CDK14: variants seen among roughly 807,000 people sequenced by gnomAD.
The protein encoded by CDK14 is cyclin-dependent kinase 14.
In CDK14, 34 loss-of-function variants were observed where a neutral mutation model predicts 60.7. The ratio of observed to expected loss-of-function variants is 0.56; its 90% CI spans 0.43 to 0.75. CDK14 has a LOEUF of 0.75. CDK14 is among the 30% of genes least tolerant of loss of function. The pLI, the probability that CDK14 is intolerant of heterozygous loss-of-function variation, is 0.00. For synonymous variants in CDK14, 197 were observed against 203.7 expected, an observed-to-expected ratio of 0.97 and a Z score of 0.28; for missense variants, 482 against 564.1, an observed-to-expected ratio of 0.85 and a Z score of 1.47.
chr7:90,977,446 A>C lies in CDK14; in HGVS notation c.948-6702A>C, dbSNP rs1795105925. On this transcript the variant is annotated intron_variant, in intron 9 of 14. Transcript: ENST00000380050. ...GGGGAAAGAGGAATTAGGGAGGAATAAGGAAGAGGAGTTTCAGTTCCATAA... is the reference window on the plus strand; with the variant it reads ...GGGGAAAGAGGAATTAGGGAGGAATCAGGAAGAGGAGTTTCAGTTCCATAA... Among the ~76,000 whole-genome samples, 4 of 142,012 alleles carry C rather than the reference A, an allele frequency of 2.8e-5. No homozygotes were observed. In the Admixed American group the frequency reaches 2.9e-4, roughly 10 times the overall value. 93.2% of individuals were successfully genotyped at this position (142,012 alleles called of 152,430 possible).
At position 90,783,095 on chromosome 7, in the gene CDK14, C is replaced by G. The variant is rs1805413884; in HGVS notation, c.465-7478C>G. Reference sequence around the variant, plus strand: ...AATGTACATAATTTTTTCCTATGAACTTTATATGCCACTCTAATATTATGT... The same window carrying G: ...AATGTACATAATTTTTTCCTATGAAGTTTATATGCCACTCTAATATTATGT... On this transcript the variant is annotated intron_variant, in intron 4 of 14. Coordinates refer to ENST00000380050, the MANE Select transcript of CDK14 (RefSeq NM_001287135.2). 2.0e-5 allele frequency among the ~76,000 whole-genome samples: 3 copies of G among 151,970 alleles called. No homozygotes were observed. The South Asian group carries it at 6.2e-4, about 32-fold the overall frequency.
At chr7:90,708,575 T>A (rs1159058552) in intron 2 of CDK14, among the ~76,000 whole-genome samples, 1 of 152,160 alleles carries the variant, frequency 6.6e-6, no homozygotes. Flanking sequence ...CTTCACAGTG[T>A]CATTCAAAAT....
intron 11 of CDK14, among the ~76,000 whole-genome samples, chr7:91,072,681 T>C (rs1271922124): frequency 6.6e-6 from 1 of 151,962 alleles, no homozygotes; most frequent in African/African-American, 2.4e-5. Flanking sequence ...ATGAGATGGA[T>C]GAAGTAGGCT....
chr7:91,059,478 T>C (rs1584274740), intron 11 of CDK14, among the ~76,000 whole-genome samples: 1 of 152,216 alleles, frequency 6.6e-6, no homozygotes, highest in East Asian at 1.9e-4. Context: ...GCTTCTCTAG[T>C]TCTTTTAATT....
chr7:90,657,335 T>A (rs772046751), intron 2 of CDK14, among the ~76,000 whole-genome samples: 11 of 152,232 alleles, frequency 7.2e-5, no homozygotes, highest in Non-Finnish European at 1.3e-4. Flanking sequence ...TCAGTGGACA[T>A]TCATCAACTT....
At chr7:91,057,943 A>G (rs1375090317) in intron 11 of CDK14, among the ~76,000 whole-genome samples, 3 of 152,108 alleles carry the variant, frequency 2.0e-5, no homozygotes, top group Non-Finnish European at 4.4e-5. Context: ...TTCTGTGAAG[A>G]AAGTCATTGG....
At chr7:90,937,639 G>T (rs898821861) in intron 8 of CDK14, among the ~76,000 whole-genome samples, 19 of 152,172 alleles carry the variant, frequency 1.2e-4, no homozygotes, top group African/African-American at 4.3e-4. Flanking sequence ...AACTTTTTCT[G>T]TAAAGAGCTA....
intron 5 of CDK14, among the ~76,000 whole-genome samples, chr7:90,799,903 T>C (rs1788574560): frequency 6.6e-6 from 1 of 152,106 alleles, no homozygotes; most frequent in Non-Finnish European, 1.5e-5. Flanking sequence ...AATTTATTTA[T>C]AAAAGTGATA....
intron 2 of CDK14, among the ~76,000 whole-genome samples, chr7:90,657,937 C>T (rs1007839920): frequency 3.3e-5 from 5 of 152,172 alleles, no homozygotes; most frequent in Non-Finnish European, 7.3e-5. Flanking sequence ...CATCTTTGCT[C>T]CTTCTGTTTT....
intron 8 of CDK14, among the ~76,000 whole-genome samples, chr7:90,921,288 C>T (rs894721514): frequency 3.6e-4 from 54 of 152,030 alleles, no homozygotes; most frequent in Admixed American, 3.2e-3. Flanking sequence ...TTGGGATGCT[C>T]GTCCTTCTGC....
chr7:91,023,903 G>T (rs1051918724), intron 10 of CDK14, among the ~76,000 whole-genome samples: 1 of 152,102 alleles, frequency 6.6e-6, no homozygotes, highest in Non-Finnish European at 1.5e-5. Flanking sequence ...CTCCCAAGTA[G>T]CTGGGATTAT....
intron 14 of CDK14, among the ~76,000 whole-genome samples, chr7:91,134,020 A>G (rs895726977): frequency 3.3e-5 from 5 of 152,228 alleles, no homozygotes; most frequent in African/African-American, 1.2e-4. Flanking sequence ...CCAAAAGCAA[A>G]AAGAGGAGCT....
intron 5 of CDK14, among the ~76,000 whole-genome samples, chr7:90,846,943 G>C (rs765497005): frequency 1.1e-4 from 16 of 152,180 alleles, no homozygotes; most frequent in Non-Finnish European, 2.1e-4. Flanking sequence ...GCTCTCCTGT[G>C]TGGAGTAGAG....
chr7:91,132,086 G>T (rs1800136209), intron 14 of CDK14, among the ~76,000 whole-genome samples: 3 of 152,028 alleles, frequency 2.0e-5, no homozygotes, highest in Non-Finnish European at 4.4e-5. Flanking sequence ...CCAGCTTCAA[G>T]ACACTCACAA....
chr7:90,965,957 C>G (rs955153757), intron 9 of CDK14, among the ~76,000 whole-genome samples: 5 of 152,166 alleles, frequency 3.3e-5, no homozygotes, highest in African/African-American at 1.2e-4. Flanking sequence ...TTCCCTCTAT[C>G]CCTGGTATTC....
At chr7:90,981,901 A>G in intron 9 of CDK14, among the ~76,000 whole-genome samples, 1 of 152,182 alleles carries the variant, frequency 6.6e-6, no homozygotes, top group East Asian at 1.9e-4. Context: ...CTTCATCTGC[A>G]GGAATGTGTA....
chr7:91,150,324 A>T (rs1206386344), intron 14 of CDK14, among the ~76,000 whole-genome samples: 1 of 152,232 alleles, frequency 6.6e-6, no homozygotes, highest in African/African-American at 2.4e-5. Flanking sequence ...TCTCCTTTTA[A>T]ATTAAAATAG....
At chr7:90,730,481 A>G (rs1802819867) in intron 3 of CDK14, among the ~76,000 whole-genome samples, 1 of 152,174 alleles carries the variant, frequency 6.6e-6, no homozygotes, top group Non-Finnish European at 1.5e-5. Flanking sequence ...AATAGTGTAA[A>G]AGCATTCCTA....
At chr7:90,744,788 C>T (rs1194508176) in intron 3 of CDK14, among the ~76,000 whole-genome samples, 7 of 131,230 alleles carry the variant, frequency 5.3e-5, no homozygotes, top group South Asian at 2.7e-4. Context: ...ACCTCCCTGC[C>T]GGACGGGGCG....
Sources: allele counts gnomAD v4.1 joint callset (sites outside exome capture counted in the v4.1 genomes callset), GRCh38; gene constraint gnomAD v4.1.1; transcripts MANE v1.5; gene names NCBI Gene and HGNC (gene_info 2026-07-23, HGNC 2026-07-21).